GUCY1A2: variants seen among roughly 807,000 people sequenced by gnomAD.
GUCY1A2 encodes guanylate cyclase 1 soluble subunit alpha 2, also known as guanylate cyclase soluble subunit alpha-2.
A neutral mutation model predicts 63.5 loss-of-function variants in GUCY1A2; 27 were observed. The observed-to-expected ratio is 0.43, with a 90% confidence interval of 0.31 to 0.59. The LOEUF is 0.59. Among genes scored for constraint, GUCY1A2 ranks in the 20% least tolerant of loss-of-function variants. The pLI is 0.11. For missense variants in GUCY1A2, 768 were observed against 913.3 expected, an observed-to-expected ratio of 0.84 and a Z score of 2.05; for synonymous variants, 364 against 343.5, an observed-to-expected ratio of 1.06 and a Z score of -0.66.
rs1001229414 is a variant in GUCY1A2, at chr11:106,903,229, C to T, written c.1206+36231G>A. ...GAAATGATAAAAAAAAAACTCATCA[C>T]CAATTTCTGAAGCCTTCACAGCCAG... is the stretch of plus-strand genomic sequence containing the variant. On this transcript the variant is annotated intron_variant, in intron 4 of 7. Coordinates refer to ENST00000526355, the MANE Select transcript of GUCY1A2 (RefSeq NM_000855.3). 2.0e-5 allele frequency among the ~76,000 whole-genome samples: 3 copies of T among 151,972 alleles called. No individual in the cohort carries two copies. In the South Asian group the frequency reaches 6.2e-4, roughly 31 times the overall value.
intron 5 of GUCY1A2, among the ~76,000 whole-genome samples, chr11:106,777,225 C>T (rs374275050): frequency 5.4e-4 from 82 of 152,096 alleles, no homozygotes; most frequent in Middle Eastern, 3.4e-3. Flanking sequence ...GTTGAGGCAG[C>T]GGATCACGAG....
At chr11:107,011,238 T>G (rs1192703925) in intron 1 of GUCY1A2, among the ~76,000 whole-genome samples, 2 of 152,036 alleles carry the variant, frequency 1.3e-5, no homozygotes, top group Admixed American at 1.3e-4. Flanking sequence ...AAAAAGAAAA[T>G]TATACCTTCC....
intron 4 of GUCY1A2, among the ~76,000 whole-genome samples, chr11:106,887,791 C>A (rs889077608): frequency 2.0e-5 from 3 of 152,092 alleles, no homozygotes; most frequent in Non-Finnish European, 4.4e-5. Flanking sequence ...GTTAAATGAC[C>A]GGCATAAAAA....
intron 6 of GUCY1A2, among the ~76,000 whole-genome samples, chr11:106,771,464 C>A (rs1056000954): frequency 1.3e-5 from 2 of 152,076 alleles, no homozygotes; most frequent in African/African-American, 2.4e-5. Flanking sequence ...TTTAAAAATT[C>A]AGTCCTGGCA....
chr11:106,788,729 T>A (rs1864608701), intron 5 of GUCY1A2, among the ~76,000 whole-genome samples: 1 of 152,222 alleles, frequency 6.6e-6, no homozygotes, highest in Non-Finnish European at 1.5e-5. Flanking sequence ...ATGGCTATAT[T>A]CTGGGTTCTC....
chr11:106,785,876 C>T (rs370612511), intron 5 of GUCY1A2, among the ~76,000 whole-genome samples: 9 of 147,958 alleles, frequency 6.1e-5, no homozygotes, highest in African/African-American at 2.2e-4. Flanking sequence ...CGATATCCAC[C>T]TTTTTTTTTT....
intron 4 of GUCY1A2, among the ~76,000 whole-genome samples, chr11:106,848,177 G>T (rs2135448666): frequency 6.6e-6 from 1 of 151,632 alleles, no homozygotes; most frequent in East Asian, 1.9e-4. Context: ...TTTACATGTT[G>T]TTCAATTTTT....
intron 1 of GUCY1A2, among the ~76,000 whole-genome samples, chr11:106,996,910 C>A (rs1475954012): frequency 6.6e-6 from 1 of 152,140 alleles, no homozygotes; most frequent in Non-Finnish European, 1.5e-5. Context: ...AACGTGCTTA[C>A]TAGGCAGATG....
chr11:106,827,275 G>A (rs1858984576), intron 4 of GUCY1A2: 16 of 1,552,370 alleles, frequency 1.0e-5, no homozygotes, highest in Non-Finnish European at 1.4e-5. Context: ...TCTTTTATAT[G>A]CAATTTTAGC....
intron 4 of GUCY1A2, among the ~76,000 whole-genome samples, chr11:106,852,441 C>T (rs1859368875): frequency 6.6e-6 from 1 of 151,992 alleles, no homozygotes; most frequent in African/African-American, 2.4e-5. Context: ...GTATGTTAGC[C>T]ATGGGTTTGT....
intron 1 of GUCY1A2, among the ~76,000 whole-genome samples, chr11:107,010,862 C>T (rs1316960420): frequency 6.6e-6 from 1 of 151,818 alleles, no homozygotes; most frequent in East Asian, 1.9e-4. Context: ...TCCCAAGTAG[C>T]GGGATTACAG....
chr11:106,824,204 A>T, intron 4 of GUCY1A2: 1 of 1,259,120 alleles, frequency 7.9e-7, no homozygotes, highest in Non-Finnish European at 1.0e-6. Context: ...ATTAATTTTC[A>T]GTTTTATATA....
intron 4 of GUCY1A2, among the ~76,000 whole-genome samples, chr11:106,857,225 C>G (rs910398747): frequency 6.6e-6 from 1 of 152,100 alleles, no homozygotes; most frequent in African/African-American, 2.4e-5. Flanking sequence ...CCAGAAGGGT[C>G]GAGTTCCTGG....
intron 4 of GUCY1A2, among the ~76,000 whole-genome samples, chr11:106,919,419 G>A (rs536310885): frequency 1.3e-5 from 2 of 152,220 alleles, no homozygotes; most frequent in South Asian, 4.1e-4. Context: ...GGTGATAGAT[G>A]TGTTAACTAA....
intron 4 of GUCY1A2, among the ~76,000 whole-genome samples, chr11:106,930,657 C>G (rs967938035): frequency 2.6e-5 from 4 of 152,206 alleles, no homozygotes; most frequent in African/African-American, 7.2e-5. Flanking sequence ...AAGTTGATGT[C>G]TAAGTTCTGG....
chr11:106,735,383 G>T (rs1863571833), intron 6 of GUCY1A2, among the ~76,000 whole-genome samples: 1 of 152,212 alleles, frequency 6.6e-6, no homozygotes, highest in South Asian at 2.1e-4. Flanking sequence ...ACAAATGGGT[G>T]AGAACATGCA....
chr11:106,894,510 T>C (rs1478744992), intron 4 of GUCY1A2, among the ~76,000 whole-genome samples: 3 of 152,032 alleles, frequency 2.0e-5, no homozygotes, highest in East Asian at 1.9e-4. Context: ...TATTCTCAAG[T>C]TCACATGGAA....
At chr11:106,729,966 T>A (rs1863471517) in intron 6 of GUCY1A2, among the ~76,000 whole-genome samples, 1 of 150,346 alleles carries the variant, frequency 6.7e-6, no homozygotes, top group Non-Finnish European at 1.5e-5. Flanking sequence ...TAGAGTCTAT[T>A]TTCTACATTG....
At chr11:106,766,989 A>G (rs954020282) in intron 6 of GUCY1A2, among the ~76,000 whole-genome samples, 1 of 152,080 alleles carries the variant, frequency 6.6e-6, no homozygotes, top group Non-Finnish European at 1.5e-5. Context: ...TAAAAACACG[A>G]GCTTCCTAAC....
Sources: allele counts gnomAD v4.1 joint callset (sites outside exome capture counted in the v4.1 genomes callset), GRCh38; gene constraint gnomAD v4.1.1; transcripts MANE v1.5; gene names NCBI Gene and HGNC (gene_info 2026-07-23, HGNC 2026-07-21).